Variants in SND1 observed in about 807,000 individuals in gnomAD.
SND1 encodes staphylococcal nuclease domain-containing protein 1.
A neutral mutation model predicts 121.7 loss-of-function variants in SND1; 38 were observed. The observed-to-expected ratio is 0.31, with a 90% CI of 0.24 to 0.41. The LOEUF is 0.41. Ranked by LOEUF, SND1 falls within the 10% of genes least tolerant of loss-of-function variation. The pLI, the probability that SND1 is intolerant of heterozygous loss-of-function variation, is 1.00. For missense variants in SND1, 868 were observed against 1,184.6 expected (o/e 0.73, Z 3.92); for synonymous variants, 401 against 447.4 (o/e 0.90, Z 1.31).
chr7:127,670,932 A>C (rs997427597), intron 1 of SND1, among the ~76,000 whole-genome samples: 3 of 152,166 alleles, frequency 2.0e-5, no homozygotes, highest in Admixed American at 1.3e-4. Flanking sequence ...TTTGAACAGC[A>C]CACTCAGAAA....
chr7:127,857,935 A>G, intron 12 of SND1: 3 of 1,359,642 alleles, frequency 2.2e-6, no homozygotes, highest in Non-Finnish European at 3.2e-6. Context: ...ACCATCAGGA[A>G]AGTAGCCTTC....
chr7:127,903,587 G>C (rs1201083093), intron 13 of SND1, among the ~76,000 whole-genome samples: 1 of 152,130 alleles, frequency 6.6e-6, no homozygotes, highest in African/African-American at 2.4e-5. Context: ...AAGCAAGGGG[G>C]CTCAGGTGGA....
intron 9 of SND1, among the ~76,000 whole-genome samples, chr7:127,719,374 T>C (rs982062689): frequency 1.3e-5 from 2 of 152,214 alleles, no homozygotes; most frequent in Admixed American, 6.5e-5. Flanking sequence ...TTATACTGTC[T>C]AGACAGTTTT....
chr7:127,744,431 T>C (rs962686879), intron 10 of SND1, among the ~76,000 whole-genome samples: 2 of 152,200 alleles, frequency 1.3e-5, no homozygotes, highest in Non-Finnish European at 2.9e-5. Context: ...CAGTTTTTAT[T>C]CTTGTATCCA....
intron 10 of SND1, among the ~76,000 whole-genome samples, chr7:127,766,771 C>CAAAAAAAAAAAAAAAAA (rs59243807): frequency 1.5e-4 from 5 of 33,210 alleles, no homozygotes; most frequent in Non-Finnish European, 1.7e-4. Context: ...GACTTTGTCT[C>CAAAAAAAAAAAAAAAAA]AAAAAAAAAA....
At chr7:127,866,455 C>CTT (rs35914615) in intron 12 of SND1, among the ~76,000 whole-genome samples, 2 of 151,958 alleles carry the variant, frequency 1.3e-5, no homozygotes, top group Non-Finnish European at 2.9e-5. Context: ...TTGATGCTGC[C>CTT]TAGGTGTTCC....
chr7:127,969,420 TA>T (rs1375188353), intron 15 of SND1, among the ~76,000 whole-genome samples: 7 of 152,158 alleles, frequency 4.6e-5, no homozygotes, highest in African/African-American at 1.4e-4. Flanking sequence ...ATGAGAAAGT[TA>T]TACAATAAGA....
At chr7:127,941,893 T>G (rs1209650840) in intron 15 of SND1, among the ~76,000 whole-genome samples, 2 of 143,992 alleles carry the variant, frequency 1.4e-5, no homozygotes, top group South Asian at 2.3e-4. Context: ...TAGGGAGTTT[T>G]TTTTTTTTTT....
At chr7:127,691,565 AAAAC>A (rs1350726022) in intron 2 of SND1, among the ~76,000 whole-genome samples, 1 of 152,072 alleles carries the variant, frequency 6.6e-6, no homozygotes, top group Admixed American at 6.5e-5. Flanking sequence ...ATAATTAAAT[AAAAC>A]AAACTAAAAG....
intron 10 of SND1, among the ~76,000 whole-genome samples, chr7:127,800,239 C>A (rs1304076975): frequency 1.3e-5 from 2 of 152,166 alleles, no homozygotes; most frequent in Non-Finnish European, 1.5e-5. Flanking sequence ...GAAATCTTAC[C>A]CATTTTAATC....
intron 11 of SND1, among the ~76,000 whole-genome samples, chr7:127,842,503 T>C (rs755492631): frequency 3.3e-5 from 5 of 152,190 alleles, no homozygotes; most frequent in Non-Finnish European, 7.3e-5. Flanking sequence ...CAAAATTAAT[T>C]CAAAATCTAA....
intron 15 of SND1, among the ~76,000 whole-genome samples, chr7:127,933,284 G>C (rs768883176): frequency 5.3e-5 from 8 of 152,120 alleles, no homozygotes; most frequent in Non-Finnish European, 1.0e-4. Flanking sequence ...TGTGTATTTG[G>C]CATTATTTTA....
At chr7:128,001,411 C>A (rs1802823379) in intron 16 of SND1, among the ~76,000 whole-genome samples, 1 of 152,216 alleles carries the variant, frequency 6.6e-6, no homozygotes. Flanking sequence ...CTTAGCCTCT[C>A]TAAACCGAGG....
chr7:127,817,721 C>CTT lies in SND1; in HGVS notation c.1242+10173_1242+10174dup, dbSNP rs72233818. Among the ~76,000 whole-genome samples the CTT allele has an allele frequency of 8.9e-3, 930 of 104,070 alleles. 76 individuals are homozygous for CTT. Among genetic ancestry groups the CTT allele is most frequent in the African/African-American group, 0.029 (799 of 27,418 alleles). The allele number at this position is 104,070 out of a possible 152,430, so 68.3% of individuals were successfully genotyped here. A position where few individuals can be genotyped will look rare whatever the true frequency, so the allele number is the denominator to read the frequency against. ...CATTTCACAACTTCTTTCCTTCATA[C>CTT]TTTTTTTTTTTTTTTTTTTTTTTTT... On this transcript the variant is annotated intron_variant, in intron 11 of 23. Transcript: ENST00000354725.
intron 15 of SND1, among the ~76,000 whole-genome samples, chr7:127,941,063 G>A (rs1801188832): frequency 6.6e-6 from 1 of 152,226 alleles, no homozygotes; most frequent in Admixed American, 6.5e-5. Flanking sequence ...GGCCTATGAG[G>A]AGCAAGAACA....
chr7:127,950,963 T>G (rs1801448556), intron 15 of SND1, among the ~76,000 whole-genome samples: 1 of 152,212 alleles, frequency 6.6e-6, no homozygotes, highest in Non-Finnish European at 1.5e-5. Context: ...GTGCACTGTT[T>G]GTGAGATTGT....
At chr7:127,733,862 C>G (rs1056095220) in intron 10 of SND1, among the ~76,000 whole-genome samples, 3 of 152,126 alleles carry the variant, frequency 2.0e-5, no homozygotes, top group African/African-American at 7.2e-5. Context: ...GGTGCATGCC[C>G]TGTTGACTCT....
chr7:127,753,642 A>G (rs1297889092), intron 10 of SND1, among the ~76,000 whole-genome samples: 1 of 152,156 alleles, frequency 6.6e-6, no homozygotes, highest in Non-Finnish European at 1.5e-5. Context: ...ATATTTTGAT[A>G]CTTTGGCAGA....
chr7:127,928,523 T>A (rs530002902), intron 14 of SND1, among the ~76,000 whole-genome samples: 2,148 of 151,634 alleles, frequency 0.014, 20 homozygotes, highest in Non-Finnish European at 0.022. Context: ...TTTTTTTTTT[T>A]AATGAATATT....
Sources: gnomAD v4.1 joint callset for allele counts (sites outside exome capture counted in the v4.1 genomes callset) on GRCh38, gnomAD v4.1.1 for gene constraint, MANE v1.5 for transcripts, NCBI Gene and HGNC (gene_info 2026-07-23, HGNC 2026-07-21) for gene names.